GPC5: variants seen among roughly 807,000 people sequenced by gnomAD.
The protein encoded by GPC5 is glypican 5, also known as glypican-5.
A neutral mutation model predicts 53.9 loss-of-function variants in GPC5; 47 were observed. The observed-to-expected ratio is 0.87, with a 90% CI of 0.69 to 1.11. GPC5 has a LOEUF of 1.11. GPC5 is among the 50% of genes most tolerant of loss of function. GPC5 has a pLI of 0.00. For missense variants in GPC5, 748 were observed against 713.1 expected, an observed-to-expected ratio of 1.05 and a Z score of -0.56; for synonymous variants, 286 against 263.3, an observed-to-expected ratio of 1.09 and a Z score of -0.84.
At position 91,935,631 on chromosome 13, in the gene GPC5, G is replaced by C. The variant is rs2039863209; in HGVS notation, c.1401+27574G>C. Reference sequence around the variant, plus strand: ...AACAGACTGAGACACATTGTATCAGGAACAGCCTTTAGGTTTTTGGCTTAA... The same window carrying C: ...AACAGACTGAGACACATTGTATCAGCAACAGCCTTTAGGTTTTTGGCTTAA... On this transcript the variant is annotated intron_variant, in intron 6 of 7. Coordinates refer to ENST00000377067, the MANE Select transcript of GPC5 (RefSeq NM_004466.6). 2.0e-5 allele frequency among the ~76,000 whole-genome samples: 3 copies of C among 152,090 alleles called. No homozygotes were observed. The South Asian group carries it at 6.2e-4, about 32-fold the overall frequency.
chr13:91,892,441 A>G (rs2039396582), intron 5 of GPC5, among the ~76,000 whole-genome samples: 2 of 151,802 alleles, frequency 1.3e-5, no homozygotes, highest in South Asian at 4.2e-4. Flanking sequence ...TCTTTTTCTC[A>G]ATAAAGAACA....
At chr13:91,729,660 T>A (rs1396306424) in intron 4 of GPC5, among the ~76,000 whole-genome samples, 1 of 152,160 alleles carries the variant, frequency 6.6e-6, no homozygotes, top group African/African-American at 2.4e-5. Flanking sequence ...CTAAAAAGAA[T>A]TAGCATTTTA....
At chr13:92,145,215 T>C (rs563697370) in intron 7 of GPC5, among the ~76,000 whole-genome samples, 2 of 152,234 alleles carry the variant, frequency 1.3e-5, no homozygotes, top group South Asian at 4.1e-4. Context: ...GAAAAAAAAC[T>C]AGTAAACAAT....
chr13:91,935,878 T>C (rs911344428), intron 6 of GPC5, among the ~76,000 whole-genome samples: 3 of 151,924 alleles, frequency 2.0e-5, no homozygotes, highest in Admixed American at 2.0e-4. Context: ...TAGATATAGA[T>C]GAAATTGCCT....
chr13:92,510,513 T>A (rs1880525734), intron 7 of GPC5, among the ~76,000 whole-genome samples: 1 of 152,206 alleles, frequency 6.6e-6, no homozygotes, highest in East Asian at 1.9e-4. Flanking sequence ...ACTCAATCTT[T>A]AGAACAGTAT....
chr13:92,254,935 C>T (rs1368599769), intron 7 of GPC5, among the ~76,000 whole-genome samples: 1 of 152,090 alleles, frequency 6.6e-6, no homozygotes. Flanking sequence ...CAGAGCCAGA[C>T]AATATCACCA....
At chr13:91,889,898 G>A (rs1355081332) in intron 5 of GPC5, among the ~76,000 whole-genome samples, 2 of 152,142 alleles carry the variant, frequency 1.3e-5, no homozygotes, top group Non-Finnish European at 2.9e-5. Context: ...AAAATAAAAT[G>A]TTATCAATCA....
intron 2 of GPC5, among the ~76,000 whole-genome samples, chr13:91,459,024 A>C (rs511979): frequency 6.6e-6 from 1 of 151,740 alleles, no homozygotes; most frequent in South Asian, 2.1e-4. Flanking sequence ...ATGCAAAGAC[A>C]TAAGAATGAT....
chr13:91,636,319 C>T (rs913470043), intron 2 of GPC5, among the ~76,000 whole-genome samples: 2 of 151,604 alleles, frequency 1.3e-5, no homozygotes, highest in Admixed American at 1.3e-4. Flanking sequence ...GATTTATAAT[C>T]TATATAATAT....
chr13:92,073,732 C>A (rs2041231242), intron 6 of GPC5, among the ~76,000 whole-genome samples: 2 of 152,118 alleles, frequency 1.3e-5, no homozygotes, highest in Admixed American at 6.5e-5. Flanking sequence ...TGGAGTTACC[C>A]ATTATAAACT....
intron 6 of GPC5, among the ~76,000 whole-genome samples, chr13:91,916,699 G>A (rs560433539): frequency 2.6e-5 from 4 of 152,120 alleles, no homozygotes; most frequent in Admixed American, 2.0e-4. Flanking sequence ...TTGCTGGGGG[G>A]TCCTCAGGAA....
At chr13:91,848,445 G>A (rs1041514032) in intron 5 of GPC5, among the ~76,000 whole-genome samples, 2 of 152,206 alleles carry the variant, frequency 1.3e-5, no homozygotes, top group Admixed American at 1.3e-4. Flanking sequence ...TACAGTAAAT[G>A]CAGTGGGATA....
intron 5 of GPC5, among the ~76,000 whole-genome samples, chr13:91,784,284 A>G (rs1227594160): frequency 6.6e-6 from 1 of 152,208 alleles, no homozygotes; most frequent in Non-Finnish European, 1.5e-5. Context: ...AAAAATTTGT[A>G]TCAAAAGAAT....
chr13:91,542,279 C>A (rs1411880882), intron 2 of GPC5, among the ~76,000 whole-genome samples: 1 of 152,080 alleles, frequency 6.6e-6, no homozygotes, highest in African/African-American at 2.4e-5. Context: ...ATCCAGGCTT[C>A]TCCTATCTCA....
In GPC5 at chr13:91,972,823, T is replaced by A. The variant is rs532765081; in HGVS notation, c.1401+64766T>A. Among the ~76,000 whole-genome samples, 14 of 152,354 alleles carry A rather than the reference T, an allele frequency of 9.2e-5. No individual in the cohort carries two copies. The East Asian group carries it at 2.7e-3, about 29-fold the overall frequency. On this transcript the variant is annotated intron_variant, in intron 6 of 7. Coordinates refer to ENST00000377067, the MANE Select transcript of GPC5 (RefSeq NM_004466.6). ...ACTCTCTTCTGGCTTGTAGAGTTTCTGCTGAGAGATCCACTGTTAGTCTGA... is the reference window on the plus strand; with the variant it reads ...ACTCTCTTCTGGCTTGTAGAGTTTCAGCTGAGAGATCCACTGTTAGTCTGA...
intron 6 of GPC5, among the ~76,000 whole-genome samples, chr13:91,988,139 A>C (rs2040426087): frequency 6.6e-6 from 1 of 151,406 alleles, no homozygotes; most frequent in Non-Finnish European, 1.5e-5. Flanking sequence ...GGCCATTATT[A>C]TGCTAACACT....
intron 2 of GPC5, among the ~76,000 whole-genome samples, chr13:91,548,776 G>A (rs778279189): frequency 6.6e-5 from 10 of 152,132 alleles, no homozygotes; most frequent in Non-Finnish European, 1.2e-4. Context: ...AATAGAATGG[G>A]GACCCCAGAA....
At chr13:92,102,852 TTGA>T in intron 6 of GPC5, among the ~76,000 whole-genome samples, 1 of 152,276 alleles carries the variant, frequency 6.6e-6, no homozygotes, top group East Asian at 1.9e-4. Flanking sequence ...TACAGGTTTG[TTGA>T]TGAGGTTGTT....
At chr13:92,696,672 C>A (rs893712574) in intron 7 of GPC5, among the ~76,000 whole-genome samples, 2 of 152,082 alleles carry the variant, frequency 1.3e-5, no homozygotes, top group Admixed American at 6.6e-5. Context: ...ATGAAAGTTT[C>A]TTTTGCTGTG....
Sources: gnomAD v4.1 joint callset for allele counts (sites outside exome capture counted in the v4.1 genomes callset) on GRCh38, gnomAD v4.1.1 for gene constraint, MANE v1.5 for transcripts, NCBI Gene and HGNC (gene_info 2026-07-23, HGNC 2026-07-21) for gene names.